Variants in HMCN2 observed in about 807,000 individuals in gnomAD.
HMCN2 encodes hemicentin 2, also known as hemicentin-2.
Under a neutral mutation model 377.5 loss-of-function variants are expected in HMCN2, and 325 were observed. The ratio of observed to expected loss-of-function variants is 0.86; its 90% confidence interval spans 0.79 to 0.94. The LOEUF is 0.94. Among genes scored for constraint, HMCN2 ranks in the 40% least tolerant of loss-of-function variants. The pLI is 0.00. For synonymous variants in HMCN2, 2,007 were observed against 2,046.8 expected (o/e 0.98, Z 0.53); for missense variants, 4,543 against 4,725.3 (o/e 0.96, Z 1.13).
rs1043467939 is a variant in HMCN2 at position 130,424,884 on chromosome 9, G to A, written c.13490G>A (p.Arg4497Gln). Reference protein sequence around the residue: ...NGHSLTGGRFRQESHVEFATG... With the variant: ...NGHSLTGGRFQQESHVEFATG... ...CACTCTCTGACTGGGGGCAGGTTCC[G>A]GCAGGAGTCACACGTGGAGTTTGCT... The change falls in exon 88 of 98, where the codon CGG becomes CAG. Residue 4497 changes from arginine (R) to glutamine (Q), a missense_variant. By Grantham distance (43) the Arg-to-Gln change is conservative. This residue lies in a region of HMCN2 where 1,155 missense variants were observed against 1,157.7 expected (regional missense o/e 1.00). Transcript: ENST00000683500. 15 of 1,460,326 alleles carry A rather than the reference G, an allele frequency of 1.0e-5. No individual in the cohort carries two copies. Among genetic ancestry groups the A allele is most frequent in the South Asian group, 5.7e-5 (4 of 69,756 alleles). The allele number at this position is 1,460,326 out of a possible 1,614,324, so 90.5% of individuals were successfully genotyped here.
intron 34 of HMCN2, among the ~76,000 whole-genome samples, chr9:130,357,029 G>C (rs1840057918): frequency 6.6e-6 from 1 of 151,912 alleles, no homozygotes; most frequent in African/African-American, 2.4e-5. Context: ...TGGATAGAAG[G>C]GTGGATGAAT....
At chr9:130,402,068 C>T (rs1842876255) in intron 77 of HMCN2, among the ~76,000 whole-genome samples, 1 of 152,172 alleles carries the variant, frequency 6.6e-6, no homozygotes. Context: ...CAGAGTGAGA[C>T]TCTGTCTCAA....
rs1171672394 is a variant in HMCN2, at chr9:130,360,820, T to TCCATCCAC, written c.5950+225_5950+232dup. On this transcript the variant is annotated intron_variant, in intron 38 of 97. Coordinates refer to ENST00000683500, the MANE Select transcript of HMCN2 (RefSeq NM_001291815.2). The surrounding 1 kb of genome is among the most constrained non-coding windows in gnomAD (Gnocchi z 4.7). ...ATCCATCCACCCATCCACCCCTCCA[T>TCCATCCAC]CCATCCACCCATCCACTCATCCACC... 6.9e-6 allele frequency among the ~76,000 whole-genome samples: 1 copy of TCCATCCAC among 144,998 alleles called. No homozygotes were observed. The highest frequency in any genetic ancestry group is 2.5e-5 in the African/African-American group (1 of 39,314).
chr9:130,386,697 A>T lies in HMCN2; in HGVS notation c.9391+173A>T, dbSNP rs117802342. ...TCTACATCTCTTTCTTTTTGTAGAG[A>T]TGGGGCCTCATTATGTTGCCCAGGC... On this transcript the variant is annotated intron_variant, in intron 61 of 97. Transcript: ENST00000683500. Among the ~76,000 whole-genome samples the T allele has an allele frequency of 9.6e-3, 1,468 of 152,306 alleles. 30 individuals are homozygous for T. The highest frequency in any genetic ancestry group is 0.01 in the Non-Finnish European group (693 of 68,028).
intron 21 of HMCN2, 88 bp downstream of exon 21, chr9:130,326,058 A>G (rs1838119872): frequency 6.6e-6 from 1 of 152,298 alleles, no homozygotes; most frequent in Non-Finnish European, 1.5e-5. Context: ...AGCCTGAGGC[A>G]GGGAAGCTGT....
At chr9:130,321,708 C>A (rs2131402948) in intron 18 of HMCN2, 79 bp from the exon 19 acceptor site, 2 of 152,322 alleles carry the variant, frequency 1.3e-5, no homozygotes, top group South Asian at 4.1e-4. Flanking sequence ...TGATGAGCAG[C>A]ATAGTTTCCC....
intron 66 of HMCN2, among the ~76,000 whole-genome samples, chr9:130,392,789 G>A (rs951423274): frequency 6.6e-5 from 10 of 152,118 alleles, no homozygotes; most frequent in Admixed American, 2.0e-4. Context: ...AAGGTCAGGA[G>A]ATCAAGACCA....
At chr9:130,278,871 TC>T (rs2131255005) in intron 1 of HMCN2, among the ~76,000 whole-genome samples, 1 of 150,388 alleles carries the variant, frequency 6.6e-6, no homozygotes, top group Non-Finnish European at 1.5e-5. Context: ...GTGAGCCACC[TC>T]ACCCAGCCTG....
At chr9:130,350,121 G>A (rs1166047755) in intron 29 of HMCN2, among the ~76,000 whole-genome samples, 1 of 151,346 alleles carries the variant, frequency 6.6e-6, no homozygotes, top group Non-Finnish European at 1.5e-5. Context: ...TGTTGCCCAG[G>A]CTGGTCTTGA....
chr9:130,417,312 G>A (rs1418153580), intron 85 of HMCN2, among the ~76,000 whole-genome samples: 3 of 151,740 alleles, frequency 2.0e-5, no homozygotes, highest in South Asian at 2.1e-4. Flanking sequence ...ACCAGAGGTC[G>A]GGAGTTTGAG....
intron 85 of HMCN2, among the ~76,000 whole-genome samples, chr9:130,413,926 G>A (rs1393965525): frequency 6.6e-6 from 1 of 150,416 alleles, no homozygotes. Flanking sequence ...CAGCCAGATC[G>A]CTTGAGCTCA....
intron 27 of HMCN2, 97 bp from the exon 28 acceptor site, chr9:130,348,887 C>T: frequency 8.2e-7 from 1 of 1,225,208 alleles, no homozygotes; most frequent in South Asian, 1.4e-5. Flanking sequence ...CCGTTCTGGC[C>T]ACTGGCCACC....
At chr9:130,316,308 G>C (rs1837558031) in intron 15 of HMCN2, among the ~76,000 whole-genome samples, 1 of 152,004 alleles carries the variant, frequency 6.6e-6, no homozygotes, top group South Asian at 2.1e-4. Context: ...AGGTGTCTAG[G>C]GGCAGATGGA....
intron 74 of HMCN2, among the ~76,000 whole-genome samples, chr9:130,398,153 CAA>C (rs397940740): frequency 3.2e-4 from 11 of 33,934 alleles, no homozygotes; most frequent in Non-Finnish European, 5.5e-4. Flanking sequence ...ACTCCGTCTA[CAA>C]AAAAAAAAAA....
At chr9:130,403,371 C>A (rs748048438) in intron 79 of HMCN2, 43 bp downstream of exon 79, 3 of 1,286,844 alleles carry the variant, frequency 2.3e-6, no homozygotes, top group Admixed American at 4.6e-5. Context: ...AAGAGAAGAG[C>A]GTGGGTCTGG....
chr9:130,296,480 G>A lies in HMCN2; in HGVS notation c.892-194G>A, dbSNP rs118037646. On this transcript the variant is annotated intron_variant, in intron 6 of 97. Coordinates refer to ENST00000683500, the MANE Select transcript of HMCN2 (RefSeq NM_001291815.2). ...AGGGCTGCTCAGGTTTGGGTTGTAA[G>A]CTGGGGCTTCAGCTCCTTCATTTGG... is the stretch of plus-strand genomic sequence containing the variant. Among the ~76,000 whole-genome samples the A allele has an allele frequency of 5.7e-4, 87 of 152,328 alleles. 4 individuals are homozygous for A. The East Asian group carries it at 0.016, about 28-fold the overall frequency.
intron 25 of HMCN2, among the ~76,000 whole-genome samples, chr9:130,343,765 G>A (rs909287099): frequency 6.6e-6 from 1 of 152,210 alleles, no homozygotes; most frequent in African/African-American, 2.4e-5. Context: ...CAGGCCTGCC[G>A]CCTGGGCTGC....
intron 14 of HMCN2, among the ~76,000 whole-genome samples, chr9:130,309,640 G>T (rs565811731): frequency 4.9e-5 from 7 of 144,092 alleles, no homozygotes; most frequent in East Asian, 1.9e-4. Flanking sequence ...GGACACCAGC[G>T]GGGGGGGTCC....
chr9:130,426,048 A>C (rs1844339457), intron 90 of HMCN2, 124 bp downstream of exon 90: 1 of 749,052 alleles, frequency 1.3e-6, no homozygotes, highest in Non-Finnish European at 2.2e-6. Flanking sequence ...CAGAGACTTC[A>C]GACTGAGACG....
Sources: allele counts gnomAD v4.1 joint callset (sites outside exome capture counted in the v4.1 genomes callset), GRCh38; gene constraint gnomAD v4.1.1; regional missense constraint gnomAD v4.1.1; non-coding constraint Gnocchi (gnomAD v3.1); transcripts MANE v1.5; gene names NCBI Gene and HGNC (gene_info 2026-07-23, HGNC 2026-07-21).